Variants in RNLS observed in about 807,000 individuals in gnomAD.
The protein encoded by RNLS is renalase.
A neutral mutation model predicts 39.8 loss-of-function variants in RNLS; 39 were observed. The ratio of observed to expected loss-of-function variants is 0.98; its 90% CI spans 0.76 to 1.28. The LOEUF (loss-of-function observed/expected upper bound fraction) is 1.28, where lower values mean the gene tolerates loss of function less well. RNLS is among the 50% of genes most tolerant of loss of function. The probability of loss-of-function intolerance (pLI) is 0.00; values close to 1 mark genes in which losing one functional copy is unlikely to be tolerated. For missense variants in RNLS, 410 were observed against 413.3 expected, an observed-to-expected ratio of 0.99 and a Z score of 0.07; for synonymous variants, 147 against 150.7, an observed-to-expected ratio of 0.98 and a Z score of 0.18.
At chr10:88,446,691 C>T (rs150248320) in intron 4 of RNLS, among the ~76,000 whole-genome samples, 54 of 152,006 alleles carry the variant, frequency 3.6e-4, no homozygotes, top group African/African-American at 1.1e-3. Context: ...AACACCTCTA[C>T]CTGGCAGAGA....
intron 4 of RNLS, among the ~76,000 whole-genome samples, chr10:88,443,830 C>T (rs1323418529): frequency 6.6e-6 from 1 of 152,220 alleles, no homozygotes; most frequent in Non-Finnish European, 1.5e-5. Context: ...CAGGAAGCTC[C>T]AACTGGGTGG....
intron 6 of RNLS, among the ~76,000 whole-genome samples, chr10:88,296,487 A>G (rs150832809): frequency 0.01 from 1,595 of 152,248 alleles, 13 homozygotes; most frequent in Non-Finnish European, 0.018. Flanking sequence ...GGACTCAATG[A>G]CTTTATATCT....
downstream of RNLS, among the ~76,000 whole-genome samples, chr10:88,272,559 C>A (rs1842679141): frequency 6.6e-6 from 1 of 152,154 alleles, no homozygotes. Flanking sequence ...CTAAATGTGA[C>A]CATTATGAGG....
intron 5 of RNLS, among the ~76,000 whole-genome samples, chr10:88,334,420 A>G (rs1847335141): frequency 6.6e-6 from 1 of 152,234 alleles, no homozygotes; most frequent in Non-Finnish European, 1.5e-5. Flanking sequence ...GATTCAATCC[A>G]TGTAAAGTGA....
chr10:88,474,934 G>A (rs1037715806), intron 4 of RNLS, among the ~76,000 whole-genome samples: 3 of 152,074 alleles, frequency 2.0e-5, no homozygotes, highest in African/African-American at 7.2e-5. Context: ...TGTTTGAGAA[G>A]TTTTACAAAA....
chr10:88,217,800 G>C, the RNLS span, among the ~76,000 whole-genome samples: 1 of 146,358 alleles, frequency 6.8e-6, no homozygotes, highest in Admixed American at 6.8e-5. Flanking sequence ...AGAACTTTGG[G>C]AGGCCAAAGC....
At chr10:88,444,235 T>C (rs953381525) in intron 4 of RNLS, among the ~76,000 whole-genome samples, 2 of 152,034 alleles carry the variant, frequency 1.3e-5, no homozygotes, top group Admixed American at 6.6e-5. Context: ...CTCTAGCAAA[T>C]TCCAACAGAC....
At chr10:88,432,844 C>G (rs1160160346) in intron 4 of RNLS, among the ~76,000 whole-genome samples, 1 of 151,942 alleles carries the variant, frequency 6.6e-6, no homozygotes, top group East Asian at 1.9e-4. Flanking sequence ...GGCCAAGATT[C>G]CAGAATACAT....
chr10:88,298,434 G>A (rs1844249692), intron 6 of RNLS, among the ~76,000 whole-genome samples: 1 of 152,144 alleles, frequency 6.6e-6, no homozygotes, highest in Non-Finnish European at 1.5e-5. Flanking sequence ...AGATTTACCA[G>A]TATGTTTTCT....
chr10:88,456,823 G>C (rs1392680549), intron 4 of RNLS, among the ~76,000 whole-genome samples: 1 of 152,076 alleles, frequency 6.6e-6, no homozygotes, highest in African/African-American at 2.4e-5. Context: ...CCCACTATAG[G>C]GTTGGTTTCC....
At chr10:88,375,719 G>T (rs946629647) in intron 4 of RNLS, among the ~76,000 whole-genome samples, 3 of 152,110 alleles carry the variant, frequency 2.0e-5, no homozygotes, top group African/African-American at 7.2e-5. Context: ...GTGCAGTAGG[G>T]TAAGGAAAAA....
chr10:88,512,249 A>T (rs1423285324), intron 4 of RNLS, among the ~76,000 whole-genome samples: 3 of 152,204 alleles, frequency 2.0e-5, no homozygotes, highest in Non-Finnish European at 2.9e-5. Context: ...AAAAATGGGA[A>T]GCAGTCTGTT....
intron 5 of RNLS, among the ~76,000 whole-genome samples, chr10:88,348,556 G>A (rs1415601382): frequency 6.6e-6 from 1 of 152,172 alleles, no homozygotes; most frequent in Admixed American, 6.5e-5. Flanking sequence ...TATGGATGCT[G>A]TATAGATCTG....
intron 6 of RNLS, among the ~76,000 whole-genome samples, chr10:88,296,845 CT>C (rs1844129890): frequency 6.6e-6 from 1 of 152,182 alleles, no homozygotes; most frequent in Non-Finnish European, 1.5e-5. Flanking sequence ...ATCACAGCCC[CT>C]GCTAACACTA....
chr10:88,305,483 T>C (rs1402668663), intron 6 of RNLS, among the ~76,000 whole-genome samples: 1 of 151,734 alleles, frequency 6.6e-6, no homozygotes, highest in Non-Finnish European at 1.5e-5. Flanking sequence ...AGGCTCAAAA[T>C]AAAGGGATCT....
intron 4 of RNLS, among the ~76,000 whole-genome samples, chr10:88,468,549 T>A (rs1843340999): frequency 6.6e-6 from 1 of 152,160 alleles, no homozygotes; most frequent in South Asian, 2.1e-4. Context: ...TCTTTCTGAG[T>A]GTAGAGCTCT....
In RNLS at chr10:88,458,781, T is replaced by C. The variant is rs1392540732; in HGVS notation, c.527-96056A>G. Among the ~76,000 whole-genome samples, 4 of 152,190 alleles carry C rather than the reference T, an allele frequency of 2.6e-5. No individual in the cohort carries two copies. The East Asian group carries it at 7.7e-4, about 29-fold the overall frequency. On this transcript the variant is annotated intron_variant, in intron 4 of 6. Transcript: ENST00000331772. ...CATGATAACAGTCCTCAACCGGGCTTTGAAAACAGCAAGTATGTTCCTCAA... is the reference window on the plus strand; with the variant it reads ...CATGATAACAGTCCTCAACCGGGCTCTGAAAACAGCAAGTATGTTCCTCAA...
intron 4 of RNLS, among the ~76,000 whole-genome samples, chr10:88,565,203 CTA>C (rs1474906691): frequency 6.6e-6 from 1 of 152,000 alleles, no homozygotes; most frequent in Non-Finnish European, 1.5e-5. Context: ...TAGTGTTATT[CTA>C]TGTTTCTGTC....
At chr10:88,222,882 A>G in the RNLS span, among the ~76,000 whole-genome samples, 3 of 152,240 alleles carry the variant, frequency 2.0e-5, no homozygotes, top group Non-Finnish European at 4.4e-5. Flanking sequence ...AGCTATAGTC[A>G]GCTTCCTGGC....
Sources: gnomAD v4.1 joint callset for allele counts (sites outside exome capture counted in the v4.1 genomes callset) on GRCh38, gnomAD v4.1.1 for gene constraint, MANE v1.5 for transcripts, NCBI Gene and HGNC (gene_info 2026-07-23, HGNC 2026-07-21) for gene names.